Variants in ST6GALNAC3 observed in about 807,000 individuals in gnomAD.
The protein encoded by ST6GALNAC3 is alpha-N-acetylgalactosaminide alpha-2,6-sialyltransferase 3.
A neutral mutation model predicts 32.7 loss-of-function variants in ST6GALNAC3; 25 were observed. The ratio of observed to expected loss-of-function variants is 0.76; its 90% CI spans 0.56 to 1.07. The LOEUF (loss-of-function observed/expected upper bound fraction) is 1.07. ST6GALNAC3 is among the 50% of genes least tolerant of loss of function. The pLI, the probability that ST6GALNAC3 is intolerant of heterozygous loss-of-function variation, is 0.00. For missense variants in ST6GALNAC3, 355 were observed against 382.4 expected (o/e 0.93, Z 0.60); for synonymous variants, 129 against 133.1 (o/e 0.97, Z 0.21).
intron 1 of ST6GALNAC3, among the ~76,000 whole-genome samples, chr1:76,237,317 A>G (rs1012778808): frequency 6.6e-5 from 10 of 152,130 alleles, no homozygotes; most frequent in African/African-American, 2.4e-4. Flanking sequence ...TGTTTTCAGT[A>G]AAGGCAGTGT....
At chr1:76,596,519 A>G (rs1570402343) in intron 3 of ST6GALNAC3, among the ~76,000 whole-genome samples, 1 of 152,342 alleles carries the variant, frequency 6.6e-6, no homozygotes, top group East Asian at 1.9e-4. Flanking sequence ...TTCTAACTAC[A>G]GGAAATGTAA....
chr1:76,553,835 G>T (rs1019829799), intron 3 of ST6GALNAC3, among the ~76,000 whole-genome samples: 2 of 152,146 alleles, frequency 1.3e-5, no homozygotes, highest in African/African-American at 4.8e-5. Context: ...GTGGTAAAAT[G>T]CCAAGCATTG....
intron 3 of ST6GALNAC3, among the ~76,000 whole-genome samples, chr1:76,520,592 G>A (rs1221232366): frequency 1.3e-5 from 2 of 151,850 alleles, no homozygotes; most frequent in African/African-American, 4.8e-5. Context: ...TGGTTCATCT[G>A]GAAAAAATTA....
At chr1:76,132,045 C>G (rs1365072397) in intron 1 of ST6GALNAC3, among the ~76,000 whole-genome samples, 1 of 152,178 alleles carries the variant, frequency 6.6e-6, no homozygotes, top group African/African-American at 2.4e-5. Flanking sequence ...TTCCACTCCT[C>G]CCTTGTGGGG....
At chr1:76,327,275 C>CGTGTGTGTGTGTGT (rs3079480) in intron 2 of ST6GALNAC3, among the ~76,000 whole-genome samples, 8 of 138,662 alleles carry the variant, frequency 5.8e-5, no homozygotes, top group African/African-American at 1.6e-4. Context: ...TGTATATATG[C>CGTGTGTGTGTGTGT]GTGTGTGTGT....
chr1:76,133,859 AAAAACACTCTACTTAC>A (rs1232329115), intron 1 of ST6GALNAC3, among the ~76,000 whole-genome samples: 1 of 152,152 alleles, frequency 6.6e-6, no homozygotes, highest in Non-Finnish European at 1.5e-5. Context: ...GGCTGGTTGG[AAAAACACTCTACTTAC>A]AGAATGACAA....
At chr1:76,369,127 T>C (rs1424259304) in intron 2 of ST6GALNAC3, among the ~76,000 whole-genome samples, 3 of 152,186 alleles carry the variant, frequency 2.0e-5, no homozygotes, top group African/African-American at 4.8e-5. Context: ...CAGAATCCGA[T>C]GTAACCAGAA....
intron 3 of ST6GALNAC3, among the ~76,000 whole-genome samples, chr1:76,519,165 A>AT (rs566730494): frequency 1.3e-3 from 196 of 151,454 alleles, no homozygotes; most frequent in African/African-American, 2.6e-3. Flanking sequence ...CTTTTTTTAG[A>AT]TTTTTTTTTG....
chr1:76,271,166 C>T (rs573308402), intron 1 of ST6GALNAC3, among the ~76,000 whole-genome samples: 76 of 152,284 alleles, frequency 5.0e-4, no homozygotes, highest in African/African-American at 1.8e-3. Flanking sequence ...TGTGAGCTGC[C>T]TTTATGCTTA....
At chr1:76,357,135 T>TC (rs1189031677) in intron 2 of ST6GALNAC3, among the ~76,000 whole-genome samples, 36 of 140,628 alleles carry the variant, frequency 2.6e-4, no homozygotes, top group African/African-American at 8.9e-4. Flanking sequence ...TTTTTCTTTT[T>TC]TTTTTTTTTT....
intron 2 of ST6GALNAC3, among the ~76,000 whole-genome samples, chr1:76,338,555 G>A (rs1249359108): frequency 1.3e-5 from 2 of 152,150 alleles, no homozygotes; most frequent in South Asian, 2.1e-4. Flanking sequence ...ACTCCTTAAC[G>A]GGGCTTATTT....
chr1:76,385,826 T>G (rs1051818146), intron 2 of ST6GALNAC3, among the ~76,000 whole-genome samples: 2 of 152,122 alleles, frequency 1.3e-5, no homozygotes, highest in Non-Finnish European at 2.9e-5. Context: ...GGACCTTAAG[T>G]AGAGCTGCAT....
chr1:76,580,221 A>G (rs80354408), intron 3 of ST6GALNAC3, among the ~76,000 whole-genome samples: 2,221 of 152,190 alleles, frequency 0.015, 62 homozygotes, highest in African/African-American at 0.051. Flanking sequence ...ATCCCTGTTG[A>G]TGCTCAAATT....
Position 76,463,673 on chromosome 1 carries a change from C to T in ST6GALNAC3, c.623+51256C>T, listed in dbSNP as rs546512844. 1.4e-4 allele frequency among the ~76,000 whole-genome samples: 21 copies of T among 152,190 alleles called. No homozygotes were observed. The South Asian group carries it at 3.7e-3, about 27-fold the overall frequency. ...TTTCTGCTCTGAAGAGTCTTCTGGT[C>T]GAGGAGCTTTCCTACCGCAGGGTTT... is the stretch of plus-strand genomic sequence containing the variant. On this transcript the variant is annotated intron_variant, in intron 3 of 4. Coordinates refer to ENST00000328299, the MANE Select transcript of ST6GALNAC3 (RefSeq NM_152996.4).
intron 3 of ST6GALNAC3, among the ~76,000 whole-genome samples, chr1:76,518,296 A>G (rs1465230237): frequency 1.3e-5 from 2 of 152,036 alleles, no homozygotes; most frequent in Admixed American, 1.3e-4. Context: ...CGACCATTCT[A>G]TGTCATTTTC....
intron 3 of ST6GALNAC3, among the ~76,000 whole-genome samples, chr1:76,467,286 C>T (rs182663938): frequency 7.5e-4 from 114 of 151,890 alleles, no homozygotes; most frequent in Admixed American, 3.0e-3. Flanking sequence ...GGCCATGAAC[C>T]GTGAAATGTC....
chr1:76,544,073 T>G (rs2100308721), intron 3 of ST6GALNAC3, among the ~76,000 whole-genome samples: 1 of 69,010 alleles, frequency 1.4e-5, no homozygotes, highest in Admixed American at 2.1e-4. Flanking sequence ...CATTAATTAA[T>G]TACATTTATA....
chr1:76,518,826 A>G (rs1450166799), intron 3 of ST6GALNAC3, among the ~76,000 whole-genome samples: 5 of 152,120 alleles, frequency 3.3e-5, no homozygotes. Flanking sequence ...GCACTTTGGG[A>G]GGCCAAGGCG....
intron 2 of ST6GALNAC3, among the ~76,000 whole-genome samples, chr1:76,371,627 G>A (rs1650824857): frequency 1.3e-5 from 2 of 152,174 alleles, no homozygotes; most frequent in African/African-American, 4.8e-5. Context: ...GTTGGCAGTA[G>A]CGAGTCCGAG....
Sources: allele counts gnomAD v4.1 joint callset (sites outside exome capture counted in the v4.1 genomes callset), GRCh38; gene constraint gnomAD v4.1.1; transcripts MANE v1.5; gene names NCBI Gene and HGNC (gene_info 2026-07-23, HGNC 2026-07-21).